The following EIF4G3 variants were observed in gnomAD, a reference collection of about 807,000 sequenced individuals.
The protein encoded by EIF4G3 is eIF-4-gamma 3.
In EIF4G3, 34 loss-of-function variants were observed where a neutral mutation model predicts 186.4. That is an observed-to-expected ratio of 0.18 (90% CI 0.14 to 0.24). The LOEUF is 0.24. Ranked by LOEUF, EIF4G3 falls within the 10% of genes least tolerant of loss-of-function variation. The pLI is 1.00. For missense variants in EIF4G3, 1,536 were observed against 1,948.5 expected (o/e 0.79, Z 3.99); for synonymous variants, 673 against 679.5 (o/e 0.99, Z 0.15).
At chr1:20,890,311 T>C (rs1240037250) in intron 18 of EIF4G3, among the ~76,000 whole-genome samples, 1 of 152,088 alleles carries the variant, frequency 6.6e-6, no homozygotes, top group Non-Finnish European at 1.5e-5. Flanking sequence ...TAATGGGGCA[T>C]ACCTCATAGA....
chr1:21,008,556 C>A (rs1489750147), intron 4 of EIF4G3, among the ~76,000 whole-genome samples: 1 of 152,102 alleles, frequency 6.6e-6, no homozygotes, highest in Non-Finnish European at 1.5e-5. Flanking sequence ...TCAGGCTGGT[C>A]TCAAACTCCT....
intron 2 of EIF4G3, among the ~76,000 whole-genome samples, chr1:21,149,129 AAT>A (rs772093957): frequency 1.2e-4 from 19 of 152,234 alleles, no homozygotes; most frequent in Admixed American, 6.5e-4. Flanking sequence ...TTAATATATC[AAT>A]ATGTTAAAAT....
chr1:20,909,646 T>TTTTG lies in EIF4G3; in HGVS notation c.1664-4679_1664-4676dup, dbSNP rs554954519. On this transcript the variant is annotated intron_variant, in intron 14 of 36. Coordinates refer to ENST00000602326, the MANE Select transcript of EIF4G3 (RefSeq NM_001391906.1). ...CACCTATTTAGTTTTATACTGTTTT[T>TTTTG]TTTGTTTGTTTGTTTTTGTTTTTTT... Among the ~76,000 whole-genome samples the TTTTG allele has an allele frequency of 3.9e-5, 6 of 152,320 alleles. No homozygotes were observed. In the South Asian group the frequency reaches 1.2e-3, roughly 32 times the overall value.
rs1557469941 is a variant in EIF4G3 at position 21,007,530 on chromosome 1, A to ACAAACAAAC, written c.-66-4723_-66-4722insGTTTGTTTG. 1.7e-3 allele frequency among the ~76,000 whole-genome samples: 237 copies of ACAAACAAAC among 142,788 alleles called. 7 individuals carry two copies. The highest frequency in any genetic ancestry group is 5.8e-3 in the African/African-American group (222 of 38,426). The allele number at this position is 142,788 out of a possible 152,430, so 93.7% of individuals were successfully genotyped here. On this transcript the variant is annotated intron_variant, in intron 4 of 36. Coordinates refer to ENST00000602326, the MANE Select transcript of EIF4G3 (RefSeq NM_001391906.1). ...GGCCCCTCCTTAAAAAAAAAAAAAA[A>ACAAACAAAC]AAAAAAACACACTCAAAAACAAAAA...
intron 2 of EIF4G3, among the ~76,000 whole-genome samples, chr1:21,159,965 G>A (rs866928941): frequency 6.6e-6 from 1 of 152,142 alleles, no homozygotes; most frequent in African/African-American, 2.4e-5. Context: ...AGTTAGCCAG[G>A]CATGATGGCA....
At chr1:20,935,981 T>C (rs1043151282) in intron 14 of EIF4G3, among the ~76,000 whole-genome samples, 2 of 152,160 alleles carry the variant, frequency 1.3e-5, no homozygotes, top group African/African-American at 4.8e-5. Context: ...CAGAAAGATG[T>C]AGAACTAAGT....
chr1:20,863,526 C>T (rs971560948), intron 22 of EIF4G3, among the ~76,000 whole-genome samples: 12 of 149,036 alleles, frequency 8.1e-5, no homozygotes, highest in African/African-American at 3.0e-4. Context: ...CTCACTGCAA[C>T]CTCTGCCTCC....
chr1:21,165,759 T>C (rs2097845775), intron 2 of EIF4G3, among the ~76,000 whole-genome samples: 1 of 152,164 alleles, frequency 6.6e-6, no homozygotes, highest in South Asian at 2.1e-4. Flanking sequence ...GTAGTAGTTG[T>C]ACAATTCTCA....
chr1:21,050,844 T>C (rs2094169702), intron 4 of EIF4G3, 22 bp downstream of exon 4: 1 of 690,008 alleles, frequency 1.4e-6, no homozygotes, highest in Non-Finnish European at 2.6e-6. Context: ...TTTCTTATTT[T>C]TTTAAAAAAG....
At chr1:21,147,244 G>C (rs1251499877) in intron 2 of EIF4G3, among the ~76,000 whole-genome samples, 4 of 151,870 alleles carry the variant, frequency 2.6e-5, no homozygotes, top group East Asian at 3.9e-4. Context: ...CCTGGAGACA[G>C]AGCAAGACTC....
rs60344352 is a variant in EIF4G3 at position 20,849,046 on chromosome 1, CAAAAAA to C, written c.3888+363_3888+368del. 1.7e-3 allele frequency among the ~76,000 whole-genome samples: 30 copies of C among 17,394 alleles called. No homozygotes were observed. In the East Asian group the frequency reaches 0.043, roughly 25 times the overall value. 11.4% of individuals were successfully genotyped at this position (17,394 alleles called of 152,430 possible). A position where few individuals can be genotyped will look rare whatever the true frequency, so the allele number is the denominator to read the frequency against. On this transcript the variant is annotated intron_variant, in intron 29 of 36. Transcript: ENST00000602326. ...TGGGCAACACAGCAAGACTCTGTCT[CAAAAAA>C]AAAAAAAAAAAAAAAAAAAAAAAGA... is the stretch of plus-strand genomic sequence containing the variant.
At chr1:20,833,795 C>T (rs1463806947) in intron 30 of EIF4G3, among the ~76,000 whole-genome samples, 5 of 152,218 alleles carry the variant, frequency 3.3e-5, no homozygotes, top group Admixed American at 6.5e-5. Flanking sequence ...ATTGATGGGA[C>T]GTATTTCAAC....
chr1:21,149,479 T>C (rs1422117749), intron 2 of EIF4G3, among the ~76,000 whole-genome samples: 1 of 152,220 alleles, frequency 6.6e-6, no homozygotes, highest in African/African-American at 2.4e-5. Context: ...TGTTACTGCC[T>C]ATCCAGATAT....
At chr1:21,019,968 C>T (rs1193261767) in intron 4 of EIF4G3, among the ~76,000 whole-genome samples, 4 of 152,130 alleles carry the variant, frequency 2.6e-5, no homozygotes, top group South Asian at 2.1e-4. Context: ...AAAATAATTC[C>T]TCTACTACAG....
chr1:21,082,764 C>T (rs965044628), intron 3 of EIF4G3, among the ~76,000 whole-genome samples: 11 of 151,908 alleles, frequency 7.2e-5, no homozygotes, highest in African/African-American at 2.4e-4. Context: ...ATTGGCCGGG[C>T]GCGGTGGCTC....
At chr1:20,995,495 C>T (rs2082093558) in intron 7 of EIF4G3, among the ~76,000 whole-genome samples, 1 of 152,044 alleles carries the variant, frequency 6.6e-6, no homozygotes, top group African/African-American at 2.4e-5. Context: ...CCTCAGCCTC[C>T]CAAGTAACTG....
At chr1:21,165,152 G>T (rs1475537912) in intron 2 of EIF4G3, among the ~76,000 whole-genome samples, 1 of 152,158 alleles carries the variant, frequency 6.6e-6, no homozygotes, top group African/African-American at 2.4e-5. Context: ...CCAATAGGAT[G>T]GCCTATAATC....
intron 3 of EIF4G3, among the ~76,000 whole-genome samples, chr1:21,062,520 T>C (rs927395583): frequency 1.3e-5 from 2 of 152,218 alleles, no homozygotes; most frequent in African/African-American, 4.8e-5. Context: ...TCAGGATTGA[T>C]ATGGATCTAG....
intron 14 of EIF4G3, among the ~76,000 whole-genome samples, chr1:20,908,717 T>C (rs2092691712): frequency 6.6e-6 from 1 of 152,234 alleles, no homozygotes; most frequent in Non-Finnish European, 1.5e-5. Flanking sequence ...ACCTAACAAC[T>C]ATCCCTATAC....
Sources: allele counts gnomAD v4.1 joint callset (sites outside exome capture counted in the v4.1 genomes callset), GRCh38; gene constraint gnomAD v4.1.1; transcripts MANE v1.5; gene names NCBI Gene and HGNC (gene_info 2026-07-23, HGNC 2026-07-21).